The following MARCHF1 variants were observed in gnomAD, a reference collection of about 807,000 sequenced individuals.
MARCHF1 encodes membrane associated ring-CH-type finger 1, also known as E3 ubiquitin-protein ligase MARCHF1.
Under a neutral mutation model 54.2 loss-of-function variants are expected in MARCHF1, and 40 were observed. That is an observed-to-expected ratio of 0.74 (90% CI 0.57 to 0.96). The LOEUF (loss-of-function observed/expected upper bound fraction) is 0.96, where lower values mean the gene tolerates loss of function less well. Among genes scored for constraint, MARCHF1 ranks in the 40% least tolerant of loss-of-function variants. MARCHF1 has a pLI of 0.00. For synonymous variants in MARCHF1, 236 were observed against 236.3 expected (o/e 1.00, Z 0.01); for missense variants, 586 against 656.5 (o/e 0.89, Z 1.17).
intron 2 of MARCHF1, among the ~76,000 whole-genome samples, chr4:164,021,136 A>G (rs1334196931): frequency 5.4e-5 from 8 of 147,298 alleles, no homozygotes. Context: ...TCTATGGACC[A>G]TATCATCCAG....
At chr4:163,653,311 G>C (rs1000035366) in intron 5 of MARCHF1, among the ~76,000 whole-genome samples, 1 of 151,902 alleles carries the variant, frequency 6.6e-6, no homozygotes, top group African/African-American at 2.4e-5. Context: ...GAAATAGCCA[G>C]GGGCCAGGTT....
intron 2 of MARCHF1, among the ~76,000 whole-genome samples, chr4:164,051,778 A>T (rs572734519): frequency 6.6e-6 from 1 of 152,350 alleles, no homozygotes; most frequent in South Asian, 2.1e-4. Context: ...AAGGAAGAAG[A>T]CAATGCACTG....
intron 1 of MARCHF1, chr4:164,197,245 A>G (rs1731296098): frequency 1.2e-6 from 2 of 1,610,730 alleles, no homozygotes; most frequent in African/African-American, 2.7e-5. Context: ...GTGGTCCTCA[A>G]TATCTGAGTA....
chr4:163,871,250 T>C (rs897237776), intron 3 of MARCHF1, among the ~76,000 whole-genome samples: 31 of 152,202 alleles, frequency 2.0e-4, no homozygotes, highest in Admixed American at 1.3e-4. Context: ...TTTTGCGTTA[T>C]GATGTGACAC....
rs1039560505 is a variant in MARCHF1, at chr4:164,292,458, G to A, written c.-323+91412C>T. 4.6e-5 allele frequency among the ~76,000 whole-genome samples: 7 copies of A among 152,074 alleles called. No homozygotes were observed. The East Asian group carries it at 1.4e-3, about 29-fold the overall frequency. On this transcript the variant is annotated intron_variant, in intron 1 of 9. Transcript: ENST00000514618. ...CTATACTGCAGGTTTTGAGGCTGAT[G>A]CTTTCTCGATCTCACAGATGTTAAT... is the stretch of plus-strand genomic sequence containing the variant.
chr4:163,801,240 C>T (rs1326696996), intron 4 of MARCHF1, among the ~76,000 whole-genome samples: 1 of 151,942 alleles, frequency 6.6e-6, no homozygotes, highest in Admixed American at 6.6e-5. Context: ...ATTCTTTTTA[C>T]CAAGAACTTA....
chr4:163,589,733 T>C (rs1198360368), intron 7 of MARCHF1, among the ~76,000 whole-genome samples: 1 of 152,140 alleles, frequency 6.6e-6, no homozygotes, highest in Non-Finnish European at 1.5e-5. Flanking sequence ...TTGATTTCAA[T>C]AATGTAATAA....
intron 1 of MARCHF1, among the ~76,000 whole-genome samples, chr4:164,258,896 C>T (rs371080869): frequency 6.6e-6 from 1 of 151,992 alleles, no homozygotes; most frequent in African/African-American, 2.4e-5. Context: ...CTTTTGGGAA[C>T]CACATTCAGT....
At chr4:164,045,426 C>T (rs951500042) in intron 2 of MARCHF1, among the ~76,000 whole-genome samples, 3 of 151,782 alleles carry the variant, frequency 2.0e-5, no homozygotes, top group Non-Finnish European at 2.9e-5. Flanking sequence ...GCAGGAGAAT[C>T]GCTTGAACCT....
chr4:163,701,677 A>T (rs897106361), intron 4 of MARCHF1, among the ~76,000 whole-genome samples: 8 of 152,206 alleles, frequency 5.3e-5, no homozygotes, highest in Non-Finnish European at 7.3e-5. Context: ...GTTTATAAGC[A>T]TTATGCATTC....
intron 2 of MARCHF1, among the ~76,000 whole-genome samples, chr4:164,079,745 G>T (rs1447324370): frequency 1.3e-5 from 2 of 151,672 alleles, no homozygotes; most frequent in South Asian, 2.1e-4. Flanking sequence ...CTACTTTTTA[G>T]TAGTCATAAT....
chr4:164,275,154 A>G (rs1579681526), intron 1 of MARCHF1, among the ~76,000 whole-genome samples: 2 of 152,102 alleles, frequency 1.3e-5, no homozygotes, highest in Admixed American at 1.3e-4. Context: ...CCTTTAATAA[A>G]ATATAGTAAC....
chr4:163,842,195 A>G (rs1348259421), intron 4 of MARCHF1, among the ~76,000 whole-genome samples: 1 of 152,086 alleles, frequency 6.6e-6, no homozygotes, highest in African/African-American at 2.4e-5. Context: ...CATGAGGATA[A>G]TCAGCCAGCC....
intron 7 of MARCHF1, among the ~76,000 whole-genome samples, chr4:163,612,014 C>A (rs1741358429): frequency 6.6e-6 from 1 of 152,072 alleles, no homozygotes; most frequent in African/African-American, 2.4e-5. Flanking sequence ...TCAGCTGAGT[C>A]AGCCCCTTTA....
intron 4 of MARCHF1, among the ~76,000 whole-genome samples, chr4:163,710,859 G>A (rs1290286003): frequency 1.3e-5 from 2 of 152,126 alleles, no homozygotes; most frequent in African/African-American, 4.8e-5. Flanking sequence ...TTGCTTGTAT[G>A]AAAAGGTGAT....
intron 1 of MARCHF1, among the ~76,000 whole-genome samples, chr4:164,286,058 A>C (rs1271684461): frequency 6.6e-6 from 1 of 152,156 alleles, no homozygotes; most frequent in Non-Finnish European, 1.5e-5. Flanking sequence ...TGACAGGATC[A>C]ATAAAGAAAA....
chr4:163,532,758 G>C (rs1172835009), intron 9 of MARCHF1, among the ~76,000 whole-genome samples: 1 of 151,914 alleles, frequency 6.6e-6, no homozygotes, highest in African/African-American at 2.4e-5. Context: ...TAAACAGATG[G>C]TAAGATTATT....
chr4:164,049,957 G>A (rs1444502658), intron 2 of MARCHF1, among the ~76,000 whole-genome samples: 6 of 152,044 alleles, frequency 3.9e-5, no homozygotes, highest in Non-Finnish European at 8.8e-5. Flanking sequence ...GCCTAACATT[G>A]GGCATCTCAA....
intron 4 of MARCHF1, among the ~76,000 whole-genome samples, chr4:163,829,500 A>G (rs1040157413): frequency 6.6e-6 from 1 of 152,154 alleles, no homozygotes; most frequent in African/African-American, 2.4e-5. Context: ...TAAGTCACCC[A>G]CAGAGCAAGA....
Sources: allele counts gnomAD v4.1 joint callset (sites outside exome capture counted in the v4.1 genomes callset), GRCh38; gene constraint gnomAD v4.1.1; transcripts MANE v1.5; gene names NCBI Gene and HGNC (gene_info 2026-07-23, HGNC 2026-07-21).